Variants in EIF3B observed in about 807,000 individuals in gnomAD.
The protein encoded by EIF3B is eukaryotic translation initiation factor 3 subunit 9.
Under a neutral mutation model 104.6 loss-of-function variants are expected in EIF3B, and 10 were observed. The ratio of observed to expected loss-of-function variants is 0.10; its 90% CI spans 0.06 to 0.16. The LOEUF is 0.16. Ranked by LOEUF, EIF3B falls within the 10% of genes least tolerant of loss-of-function variation. The pLI is 1.00. For missense variants in EIF3B, 1,014 were observed against 1,087.9 expected (o/e 0.93, Z 0.96); for synonymous variants, 542 against 417.2 (o/e 1.30, Z -3.65).
At chr7:2,363,255 C>A in intron 4 of EIF3B, 128 bp downstream of exon 4, 1 of 911,338 alleles carries the variant, frequency 1.1e-6, no homozygotes, top group Non-Finnish European at 1.8e-6. Flanking sequence ...GAATTCAAGA[C>A]CAGCCTGGGC....
intron 2 of EIF3B, among the ~76,000 whole-genome samples, chr7:2,361,288 G>A (rs935559761): frequency 2.0e-5 from 3 of 152,266 alleles, no homozygotes; most frequent in Admixed American, 2.0e-4. Flanking sequence ...AAACTAACTA[G>A]AATAGTTTTA....
chr7:2,369,333 C>G (rs1353397849), intron 9 of EIF3B, 139 bp from the exon 10 acceptor site: 2 of 877,028 alleles, frequency 2.3e-6, no homozygotes, highest in Non-Finnish European at 3.7e-6. Context: ...AGAGCAGTGG[C>G]TGTGCAGAGG....
In EIF3B at chr7:2,374,611, G is replaced by T; in HGVS notation, c.1889+5G>T. ...GGTGTTGGCGGGCCTGAGGAGGTAG[G>T]TGTCTGCGCTCTGAGCCTGTCCGCC... On this transcript the variant is annotated splice_donor_5th_base_variant and intron_variant, in intron 13 of 18. Coordinates refer to ENST00000360876, the MANE Select transcript of EIF3B (RefSeq NM_001037283.2). 6.2e-7 allele frequency: 1 copy of T among 1,613,788 alleles called. No homozygotes were observed. The highest frequency in any genetic ancestry group is 1.1e-5 in the South Asian group (1 of 91,082).
intron 1 of EIF3B, among the ~76,000 whole-genome samples, chr7:2,357,056 T>A (rs970163825): frequency 6.6e-6 from 1 of 152,156 alleles, no homozygotes; most frequent in African/African-American, 2.4e-5. Context: ...TTTCTAACGC[T>A]TCAATTGTTA....
intron 9 of EIF3B, among the ~76,000 whole-genome samples, chr7:2,368,347 T>C (rs1055233378): frequency 6.6e-6 from 1 of 152,004 alleles, no homozygotes; most frequent in African/African-American, 2.4e-5. Flanking sequence ...GGTTTCACCA[T>C]GTTGGCCAGG....
At position 2,375,439 on chromosome 7, in the gene EIF3B, A is replaced by T. The variant is rs1274510900; in HGVS notation, c.1940A>T (p.Asn647Ile). ...GACACTTCGGACTGCACGGTCATGA[A>T]CATCGCAGAGCACTACATGGCTTCC... ...FVDTSDCTVM[N>I]IAEHYMASDV... Residue 647 changes from asparagine to isoleucine, a missense_variant, in exon 14 of 19, where the codon AAC becomes ATC. Physicochemically the swap from Asn to Ile is moderately radical, Grantham distance 149. Coordinates refer to ENST00000360876, the MANE Select transcript of EIF3B (RefSeq NM_001037283.2). 6.2e-7 allele frequency: 1 copy of T among 1,614,214 alleles called. No individual in the cohort carries two copies. The highest frequency in any genetic ancestry group is 1.7e-5 in the Admixed American group (1 of 60,020).
chr7:2,363,307 C>T (rs1779838120), intron 4 of EIF3B, among the ~76,000 whole-genome samples, 180 bp downstream of exon 4: 1 of 151,908 alleles, frequency 6.6e-6, no homozygotes, highest in African/African-American at 2.4e-5. Context: ...TAAATAAATA[C>T]ATACATTAGC....
chr7:2,363,519 G>T, intron 4 of EIF3B, 113 bp from the exon 5 acceptor site: 1 of 943,042 alleles, frequency 1.1e-6, no homozygotes, highest in South Asian at 1.7e-5. Flanking sequence ...GTTAGGGTGT[G>T]ACTTGGGAGT....
chr7:2,376,910 T>G, intron 14 of EIF3B, 40 bp from the exon 15 acceptor site: 1 of 1,592,152 alleles, frequency 6.3e-7, no homozygotes, highest in Non-Finnish European at 8.6e-7. Context: ...TGTGGCTCTC[T>G]GACCCCTCTG....
intron 15 of EIF3B, chr7:2,378,451 GCT>G: frequency 1.0e-5 from 2 of 197,318 alleles, no homozygotes; most frequent in South Asian, 4.6e-5. Context: ...CTCCTGGGAA[GCT>G]GTGTTGTGTG....
At chr7:2,361,779 TTTTGTTTG>T (rs747100495) in intron 2 of EIF3B, among the ~76,000 whole-genome samples, 18 of 151,932 alleles carry the variant, frequency 1.2e-4, no homozygotes, top group South Asian at 4.2e-4. Flanking sequence ...TTTAAGTTTT[TTTTGTTTG>T]TTTGTTTGTT....
intron 1 of EIF3B, among the ~76,000 whole-genome samples, chr7:2,357,797 C>T (rs779319340): frequency 1.6e-4 from 25 of 152,150 alleles, no homozygotes; most frequent in Non-Finnish European, 3.1e-4. Context: ...TTCCTTCCTA[C>T]GTGTGGGCAG....
At chr7:2,364,145 C>T (rs1246334912) in intron 5 of EIF3B, among the ~76,000 whole-genome samples, 1 of 152,126 alleles carries the variant, frequency 6.6e-6, no homozygotes, top group Non-Finnish European at 1.5e-5. Flanking sequence ...ACCTGTAGTC[C>T]CCGCTACTCG....
In EIF3B at chr7:2,366,263, C is replaced by T. The variant is rs545603601; in HGVS notation, c.1158-54C>T. On this transcript the variant is annotated intron_variant, in intron 6 of 18. Coordinates refer to ENST00000360876, the MANE Select transcript of EIF3B (RefSeq NM_001037283.2). ...GGCGTGTTCTGGCCGCACAGACAGA[C>T]TGTGATCCTCTCGTGAGAGGAGGAT... 3 of 1,523,692 alleles carry T rather than the reference C, an allele frequency of 2.0e-6. No homozygotes were observed. In the South Asian group the frequency reaches 3.9e-5, roughly 20 times the overall value. 94.4% of individuals were successfully genotyped at this position (1,523,692 alleles called of 1,614,324 possible).
At chr7:2,374,897 C>G (rs1780552509) in intron 13 of EIF3B, 1 of 354,036 alleles carries the variant, frequency 2.8e-6, no homozygotes, top group Non-Finnish European at 5.1e-6. Flanking sequence ...TGCCTTCCAG[C>G]CATCCAGTAA....
At chr7:2,376,843 G>A (rs1780657158) in intron 14 of EIF3B, 107 bp from the exon 15 acceptor site, 4 of 1,482,898 alleles carry the variant, frequency 2.7e-6, no homozygotes, top group Non-Finnish European at 3.6e-6. Context: ...AGCTTTGTTT[G>A]CTTCACACGT....
In EIF3B at chr7:2,355,460, G is replaced by T. The variant is rs189731893; in HGVS notation, c.499+40G>T. On this transcript the variant is annotated intron_variant, in intron 1 of 18. Transcript: ENST00000360876. ...GGCGGGGCTGGCGAGCGGCGCGGGA[G>T]CGTGGCTGGGGTTCCCGAGGTGGGA... The T allele has an allele frequency of 2.4e-5, 34 of 1,411,010 alleles. No homozygotes were observed. The African/African-American group carries it at 3.9e-4, about 16-fold the overall frequency. The allele number at this position is 1,411,010 out of a possible 1,614,324, so 87.4% of individuals were successfully genotyped here.
rs1482348626 is a variant in EIF3B, at chr7:2,374,388, A to G, written c.1811-140A>G. On this transcript the variant is annotated intron_variant, in intron 12 of 18. Transcript: ENST00000360876. Reference sequence around the variant, plus strand: ...GGGGGTACTTGGCGATGGACTTTGTAAAATTGTTTTCCGAGGTGGTCCAGC... The same window carrying G: ...GGGGGTACTTGGCGATGGACTTTGTGAAATTGTTTTCCGAGGTGGTCCAGC... 5.8e-6 allele frequency: 4 copies of G among 688,372 alleles called. No individual in the cohort carries two copies. The African/African-American group carries it at 7.1e-5, about 12-fold the overall frequency. The allele number at this position is 688,372 out of a possible 1,614,324, so 42.6% of individuals were successfully genotyped here. A position where few individuals can be genotyped will look rare whatever the true frequency, so the allele number is the denominator to read the frequency against.
intron 4 of EIF3B, 128 bp from the exon 5 acceptor site, chr7:2,363,496 GTCTTGACT>G (rs774926932): frequency 2.6e-6 from 2 of 778,610 alleles, no homozygotes; most frequent in Non-Finnish European, 4.0e-6. Flanking sequence ...GCTAGACGGT[GTCTTGACT>G]TGAGGTTAGG....
Sources: allele counts gnomAD v4.1 joint callset (sites outside exome capture counted in the v4.1 genomes callset), GRCh38; gene constraint gnomAD v4.1.1; transcripts MANE v1.5; gene names NCBI Gene and HGNC (gene_info 2026-07-23, HGNC 2026-07-21).